The following TTLL11 variants were observed in gnomAD, a reference collection of about 807,000 sequenced individuals.
TTLL11 encodes the protein tubulin polyglutamylase TTLL11.
Under a neutral mutation model 51.7 loss-of-function variants are expected in TTLL11, and 42 were observed. That is an observed-to-expected ratio of 0.81 (90% CI 0.64 to 1.05). TTLL11 has a LOEUF of 1.05. TTLL11 is among the 50% of genes least tolerant of loss of function. The probability of loss-of-function intolerance (pLI) is 0.00; values close to 1 mark genes in which losing one functional copy is unlikely to be tolerated. For missense variants in TTLL11, 799 were observed against 940.4 expected, an observed-to-expected ratio of 0.85 and a Z score of 1.97; for synonymous variants, 381 against 383.5, an observed-to-expected ratio of 0.99 and a Z score of 0.08.
intron 1 of TTLL11, among the ~76,000 whole-genome samples, chr9:122,063,773 T>G (rs59795928): frequency 0.044 from 6,689 of 152,226 alleles, 302 homozygotes; most frequent in Admixed American, 0.12. Context: ...CTGTCCAGGT[T>G]TTAAAACTGA....
In TTLL11 at chr9:121,968,881, A is replaced by T. The variant is rs576785623; in HGVS notation, c.1481+5128T>A. ...TTCTCACTTATTTTTATTTTTATTTATTTTTTGAGACACAGTCTCACTCTG... is the reference window on the plus strand; with the variant it reads ...TTCTCACTTATTTTTATTTTTATTTTTTTTTTGAGACACAGTCTCACTCTG... On this transcript the variant is annotated intron_variant, in intron 6 of 8. Transcript: ENST00000321582. Among the ~76,000 whole-genome samples, 17 of 149,484 alleles carry T rather than the reference A, an allele frequency of 1.1e-4. No individual in the cohort carries two copies. The East Asian group carries it at 3.4e-3, about 30-fold the overall frequency.
intron 4 of TTLL11, among the ~76,000 whole-genome samples, chr9:121,986,139 T>C (rs894753205): frequency 2.0e-5 from 3 of 152,236 alleles, no homozygotes; most frequent in Admixed American, 1.3e-4. Context: ...GTCCCAAGAC[T>C]GTGGTTCCAC....
chr9:122,066,996 A>G (rs924706933), intron 1 of TTLL11, among the ~76,000 whole-genome samples: 1 of 152,180 alleles, frequency 6.6e-6, no homozygotes, highest in Non-Finnish European at 1.5e-5. Flanking sequence ...AACTTCCCCC[A>G]TGATTCAATT....
At chr9:121,864,332 G>A (rs559282011) in intron 7 of TTLL11, among the ~76,000 whole-genome samples, 1 of 152,280 alleles carries the variant, frequency 6.6e-6, no homozygotes, top group Non-Finnish European at 1.5e-5. Flanking sequence ...CCTTATGCCT[G>A]GGGATGCAGC....
At chr9:122,006,375 T>C (rs1231692531) in intron 3 of TTLL11, among the ~76,000 whole-genome samples, 14 of 151,582 alleles carry the variant, frequency 9.2e-5, no homozygotes, top group Non-Finnish European at 1.2e-4. Flanking sequence ...AGAGAGAAAT[T>C]ACATTTTGCT....
chr9:121,827,298 C>G (rs1040143751), intron 8 of TTLL11, among the ~76,000 whole-genome samples: 4 of 152,098 alleles, frequency 2.6e-5, no homozygotes, highest in African/African-American at 9.7e-5. Context: ...AGCCCCTCAC[C>G]CCTCGGGGCC....
intron 6 of TTLL11, among the ~76,000 whole-genome samples, chr9:121,912,235 C>T (rs2131502534): frequency 6.6e-6 from 1 of 152,304 alleles, no homozygotes; most frequent in Middle Eastern, 3.4e-3. Context: ...GTGGAATTTC[C>T]TTTTGGAAGA....
intron 6 of TTLL11, among the ~76,000 whole-genome samples, chr9:121,965,476 TG>T (rs1842372441): frequency 1.3e-5 from 2 of 152,256 alleles, no homozygotes; most frequent in South Asian, 4.2e-4. Context: ...GAGAACAGCA[TG>T]GGGGAAACTG....
chr9:122,021,313 G>A (rs1844172721), intron 3 of TTLL11, among the ~76,000 whole-genome samples: 1 of 152,152 alleles, frequency 6.6e-6, no homozygotes, highest in Non-Finnish European at 1.5e-5. Flanking sequence ...CTGTGAGTCA[G>A]GGAAGACTGA....
intron 1 of TTLL11, among the ~76,000 whole-genome samples, chr9:122,058,168 TG>T (rs1845342395): frequency 1.3e-5 from 2 of 152,332 alleles, no homozygotes; most frequent in South Asian, 4.1e-4. Flanking sequence ...ATGAGGAGCA[TG>T]ATCATAGGTT....
At chr9:121,903,953 T>C (rs1324453623) in intron 6 of TTLL11, among the ~76,000 whole-genome samples, 6 of 152,206 alleles carry the variant, frequency 3.9e-5, no homozygotes. Context: ...GTTTTCCAGC[T>C]CAGCTCAGGG....
intron 1 of TTLL11, among the ~76,000 whole-genome samples, chr9:122,091,235 C>T (rs1051947443): frequency 6.6e-6 from 1 of 152,244 alleles, no homozygotes. Context: ...ACTCCATAGC[C>T]TGGTTTTATT....
Position 121,867,248 on chromosome 9 carries a change from T to C in TTLL11, c.1733+3249A>G, listed in dbSNP as rs1220335417. Among the ~76,000 whole-genome samples the C allele has an allele frequency of 2.6e-5, 4 of 152,200 alleles. No individual in the cohort carries two copies. In the East Asian group the frequency reaches 7.7e-4, roughly 29 times the overall value. ...TTATTTTTCAAATTGCCAACATTTG[T>C]AGATGTGTATTGAGATTTTACATAG... On this transcript the variant is annotated intron_variant, in intron 7 of 8. Transcript: ENST00000321582.
At chr9:122,026,025 C>T (rs1293716197) in intron 3 of TTLL11, among the ~76,000 whole-genome samples, 4 of 152,026 alleles carry the variant, frequency 2.6e-5, no homozygotes, top group Non-Finnish European at 4.4e-5. Context: ...AGACCTCCCC[C>T]GAAAAAGGAG....
chr9:122,043,524 A>G (rs1844906295), intron 1 of TTLL11, among the ~76,000 whole-genome samples: 1 of 152,208 alleles, frequency 6.6e-6, no homozygotes, highest in Non-Finnish European at 1.5e-5. Context: ...ATATGAGCCA[A>G]ATCAAAGGCC....
intron 3 of TTLL11, among the ~76,000 whole-genome samples, chr9:122,017,311 A>T (rs1173367848): frequency 6.6e-6 from 1 of 152,136 alleles, no homozygotes; most frequent in Admixed American, 6.5e-5. Flanking sequence ...ACGTCAATGC[A>T]TTATATTCTT....
intron 8 of TTLL11, among the ~76,000 whole-genome samples, chr9:121,857,544 G>C (rs945975148): frequency 6.6e-6 from 1 of 152,228 alleles, no homozygotes; most frequent in Non-Finnish European, 1.5e-5. Flanking sequence ...ATATGCACAA[G>C]TGAAGTAATC....
At chr9:121,930,643 C>A (rs938013391) in intron 6 of TTLL11, among the ~76,000 whole-genome samples, 3 of 152,196 alleles carry the variant, frequency 2.0e-5, no homozygotes, top group African/African-American at 4.8e-5. Flanking sequence ...CGTCCTGGGC[C>A]AAGGATGAGA....
intron 6 of TTLL11, among the ~76,000 whole-genome samples, chr9:121,922,282 T>G (rs1412880919): frequency 6.6e-6 from 1 of 152,236 alleles, no homozygotes; most frequent in Non-Finnish European, 1.5e-5. Context: ...ATAAGTATGT[T>G]GTTGTCCCAT....
Sources: gnomAD v4.1 joint callset for allele counts (sites outside exome capture counted in the v4.1 genomes callset) on GRCh38, gnomAD v4.1.1 for gene constraint, MANE v1.5 for transcripts, NCBI Gene and HGNC (gene_info 2026-07-23, HGNC 2026-07-21) for gene names.